The following PALD1 variants were observed in gnomAD, a reference collection of about 807,000 sequenced individuals.
PALD1 encodes the protein phosphatase domain containing paladin 1.
PALD1 carries 57 observed loss-of-function variants against 96.0 expected under a neutral mutation model. That is an observed-to-expected ratio of 0.59 (90% CI 0.48 to 0.74). The LOEUF (loss-of-function observed/expected upper bound fraction) is 0.74, where lower values mean the gene tolerates loss of function less well. PALD1 is among the 30% of genes least tolerant of loss of function. PALD1 has a pLI of 0.00. For missense variants in PALD1, 1,063 were observed against 1,143.7 expected (o/e 0.93, Z 1.02); for synonymous variants, 464 against 473.6 (o/e 0.98, Z 0.26).
At chr10:70,512,353 G>A (rs1228033601) in intron 1 of PALD1, among the ~76,000 whole-genome samples, 2 of 152,070 alleles carry the variant, frequency 1.3e-5, no homozygotes, top group Non-Finnish European at 2.9e-5. Context: ...GAGCTTCAGG[G>A]CTTGAGTCTC....
At chr10:70,504,245 G>A (rs549045126) in intron 1 of PALD1, among the ~76,000 whole-genome samples, 3 of 152,238 alleles carry the variant, frequency 2.0e-5, no homozygotes, top group Admixed American at 1.3e-4. Context: ...CACATATTTC[G>A]GCTGGGCATG....
intron 1 of PALD1, among the ~76,000 whole-genome samples, chr10:70,512,976 A>T (rs1056422803): frequency 2.0e-5 from 3 of 152,166 alleles, no homozygotes; most frequent in Non-Finnish European, 4.4e-5. Context: ...AAAATACAAA[A>T]CTATGATGAT....
chr10:70,554,906 C>T (rs1167435102), intron 18 of PALD1, among the ~76,000 whole-genome samples: 2 of 80,084 alleles, frequency 2.5e-5, no homozygotes, highest in Non-Finnish European at 5.1e-5. Flanking sequence ...TTGAGCCTCC[C>T]CTCCCCTCTC....
Position 70,566,751 on chromosome 10 carries a change from C to T in PALD1, c.*18C>T, listed in dbSNP as rs755344466. On this transcript the variant is annotated 3_prime_UTR_variant, in exon 20 of 20. Transcript: ENST00000263563. ...TGCTGTAGGGGGCCTTACTCCCTGT[C>T]CCCCCACCCACAGGGCCCCACGCAG... 2 of 1,538,196 alleles carry T rather than the reference C, an allele frequency of 1.3e-6. No individual in the cohort carries two copies. The highest frequency in any genetic ancestry group is 1.8e-6 in the Non-Finnish European group (2 of 1,132,712).
chr10:70,542,943 T>C (rs1024636565), intron 17 of PALD1, among the ~76,000 whole-genome samples: 1 of 151,922 alleles, frequency 6.6e-6, no homozygotes, highest in African/African-American at 2.4e-5. Flanking sequence ...GATTTCTTTT[T>C]TCTGTTTTTT....
the PALD1 span, among the ~76,000 whole-genome samples, chr10:70,469,069 C>T: frequency 2.4e-3 from 369 of 152,258 alleles, 1 homozygote; most frequent in Non-Finnish European, 4.7e-3. Context: ...CCTTCTGAGC[C>T]TTGGCCAGCC....
chr10:70,506,323 G>A (rs893929501), intron 1 of PALD1, among the ~76,000 whole-genome samples: 1 of 152,166 alleles, frequency 6.6e-6, no homozygotes, highest in Non-Finnish European at 1.5e-5. Flanking sequence ...CCCCCTTCAT[G>A]GCTTTTGAGC....
chr10:70,563,275 A>C (rs954989675), intron 18 of PALD1, among the ~76,000 whole-genome samples: 4 of 151,998 alleles, frequency 2.6e-5, no homozygotes, highest in African/African-American at 9.7e-5. Flanking sequence ...TCCTCCCTCC[A>C]GCCAGGCCAG....
intron 18 of PALD1, 141 bp from the exon 19 acceptor site, chr10:70,564,223 C>T (rs1847794363): frequency 1.2e-6 from 1 of 854,904 alleles, no homozygotes; most frequent in African/African-American, 1.7e-5. Flanking sequence ...CATTGCTTGT[C>T]CTGTAACCCA....
At chr10:70,510,304 C>T (rs1164773291) in intron 1 of PALD1, among the ~76,000 whole-genome samples, 2 of 152,122 alleles carry the variant, frequency 1.3e-5, no homozygotes, top group Non-Finnish European at 2.9e-5. Context: ...CCCACTGTCA[C>T]TCTGGGTCTA....
At chr10:70,517,622 G>A (rs562640671) in intron 1 of PALD1, among the ~76,000 whole-genome samples, 3 of 152,212 alleles carry the variant, frequency 2.0e-5, no homozygotes, top group East Asian at 1.9e-4. Context: ...GATTACAGGC[G>A]TGAGCCACCA....
chr10:70,512,210 A>C (rs934752046), intron 1 of PALD1, among the ~76,000 whole-genome samples: 6 of 152,198 alleles, frequency 3.9e-5, no homozygotes, highest in Non-Finnish European at 5.9e-5. Flanking sequence ...AGGTCGCTGC[A>C]AGGGAGGTGG....
At chr10:70,553,085 C>A (rs1453247165) in intron 18 of PALD1, among the ~76,000 whole-genome samples, 1 of 152,154 alleles carries the variant, frequency 6.6e-6, no homozygotes, top group Non-Finnish European at 1.5e-5. Context: ...GCTGTTGGGG[C>A]TGGAAGATCC....
chr10:70,489,812 C>G (rs898599551), intron 1 of PALD1, among the ~76,000 whole-genome samples: 1 of 152,212 alleles, frequency 6.6e-6, no homozygotes, highest in Non-Finnish European at 1.5e-5. Flanking sequence ...TTGGTAGTCA[C>G]TCCCCACCCC....
At chr10:70,543,061 G>A (rs1000664642) in intron 17 of PALD1, among the ~76,000 whole-genome samples, 2 of 123,098 alleles carry the variant, frequency 1.6e-5, no homozygotes, top group Admixed American at 1.6e-4. Flanking sequence ...GTGCCCAGCC[G>A]TTTTTTTTTT....
At chr10:70,499,706 C>T (rs149766215) in intron 1 of PALD1, among the ~76,000 whole-genome samples, 26 of 152,314 alleles carry the variant, frequency 1.7e-4, no homozygotes, top group African/African-American at 6.3e-4. Context: ...CGAAGCTGCC[C>T]GGGGGCCTGG....
At chr10:70,490,253 ACT>A (rs1212949537) in intron 1 of PALD1, among the ~76,000 whole-genome samples, 1 of 151,124 alleles carries the variant, frequency 6.6e-6, no homozygotes, top group East Asian at 1.9e-4. Context: ...TAAAGGTCTC[ACT>A]CTGTTGCTCA....
chr10:70,491,969 G>A (rs1411276314), intron 1 of PALD1, among the ~76,000 whole-genome samples: 3 of 152,156 alleles, frequency 2.0e-5, no homozygotes, highest in African/African-American at 4.8e-5. Flanking sequence ...TGGATAGGCC[G>A]CACTTTGTTT....
At chr10:70,465,736 T>G in the PALD1 span, among the ~76,000 whole-genome samples, 1 of 152,136 alleles carries the variant, frequency 6.6e-6, no homozygotes, top group Admixed American at 6.5e-5. Flanking sequence ...ACAGGCTGAA[T>G]GCAGAACTCA....
Sources: allele counts gnomAD v4.1 joint callset (sites outside exome capture counted in the v4.1 genomes callset), GRCh38; gene constraint gnomAD v4.1.1; transcripts MANE v1.5; gene names NCBI Gene and HGNC (gene_info 2026-07-23, HGNC 2026-07-21).